ARHGAP8: variants seen among roughly 807,000 people sequenced by gnomAD.
ARHGAP8 encodes the protein Rho GTPase activating protein 8, also known as rho GTPase-activating protein 8.
ARHGAP8 carries 62 observed loss-of-function variants against 46.1 expected under a neutral mutation model. The observed-to-expected ratio is 1.34, with a 90% CI of 1.10 to 1.66. The LOEUF is 1.66. ARHGAP8 is among the 40% of genes most tolerant of loss of function. The pLI, the probability that ARHGAP8 is intolerant of heterozygous loss-of-function variation, is 0.00. For missense variants in ARHGAP8, 923 were observed against 568.4 expected (o/e 1.62, Z -6.34); for synonymous variants, 375 against 243.1 (o/e 1.54, Z -5.05).
In ARHGAP8 at chr22:44,809,096, C is replaced by T. The variant is rs559051849; in HGVS notation, c.299+658C>T. 8.5e-4 allele frequency: 401 copies of T among 470,348 alleles called. 1 individual carries two copies. Among genetic ancestry groups the T allele is most frequent in the Middle Eastern group, 1.8e-3 (5 of 2,812 alleles). The allele number at this position is 470,348 out of a possible 1,614,324, so 29.1% of individuals were successfully genotyped here. ...TCAGCCTCCCAAAGTACTGGGATTA[C>T]AGGCAGGAGCCACCATGCCAAGCCA... On this transcript the variant is annotated intron_variant, in intron 4 of 11. Coordinates refer to ENST00000356099, the MANE Select transcript of ARHGAP8 (RefSeq NM_181335.3).
At chr22:44,813,724 T>C (rs1230796242) in intron 4 of ARHGAP8, among the ~76,000 whole-genome samples, 1 of 135,394 alleles carries the variant, frequency 7.4e-6, no homozygotes, top group African/African-American at 2.7e-5. Context: ...CACACTTTCA[T>C]ACACTTACAC....
chr22:44,858,782 G>C (rs2070324522), intron 10 of ARHGAP8, among the ~76,000 whole-genome samples: 2 of 150,074 alleles, frequency 1.3e-5, no homozygotes, highest in South Asian at 4.2e-4. Flanking sequence ...CTGGAGGGTG[G>C]GACACTGCCT....
intron 1 of ARHGAP8, among the ~76,000 whole-genome samples, chr22:44,770,244 AAAAAACAAAC>A (rs372059617): frequency 3.0e-4 from 45 of 152,082 alleles, no homozygotes; most frequent in African/African-American, 9.9e-4. Context: ...ACTCCATCTC[AAAAAACAAAC>A]AAAAACAAAC....
In ARHGAP8 at chr22:44,814,756, CA is replaced by C. The variant is rs1929612981; in HGVS notation, c.385del (p.Ser129ValfsTer14). The stretch of plus-strand genomic sequence containing the variant: ...TGTGGAACATCTTGAAGCCCCTCAT[CA>C]GGTATGCGTCACTCTGGGAGAGGAC... ...VLWNILKPLI[S>X]HKFGKKVIYF... On this transcript the variant is annotated frameshift_variant and splice_region_variant, in exon 5 of 12. Transcript: ENST00000356099. LOFTEE classifies it high-confidence loss of function. 3 of 1,613,982 alleles carry C rather than the reference CA, an allele frequency of 1.9e-6. No individual in the cohort carries two copies. In the East Asian group the frequency reaches 6.7e-5, roughly 36 times the overall value.
intron 7 of ARHGAP8, among the ~76,000 whole-genome samples, chr22:44,832,891 T>C (rs1407507810): frequency 2.0e-5 from 3 of 151,930 alleles, no homozygotes; most frequent in African/African-American, 7.3e-5. Flanking sequence ...ATTTGGGAGA[T>C]TGAGGTGGGA....
At position 44,860,811 on chromosome 22, in the gene ARHGAP8, G is replaced by A. The variant is rs779234817; in HGVS notation, c.981+977G>A. On this transcript the variant is annotated intron_variant, in intron 11 of 11. Coordinates refer to ENST00000356099, the MANE Select transcript of ARHGAP8 (RefSeq NM_181335.3). Reference sequence around the variant, plus strand: ...GTCCACCCCCAACCCCCAGACCCACGGCCTTGAATGTTTAACCCCCTCCAT... The same window carrying A: ...GTCCACCCCCAACCCCCAGACCCACAGCCTTGAATGTTTAACCCCCTCCAT... 6.6e-5 allele frequency among the ~76,000 whole-genome samples: 10 copies of A among 152,222 alleles called. No homozygotes were observed. The South Asian group carries it at 1.0e-3, about 16-fold the overall frequency.
At chr22:44,755,836 A>C (rs11090693) in intron 1 of ARHGAP8, among the ~76,000 whole-genome samples, 33,473 of 152,002 alleles carry the variant, frequency 0.22, 4,081 homozygotes, top group South Asian at 0.45. Flanking sequence ...AATGGTTAAC[A>C]ACCGGGATGG....
At position 44,850,215 on chromosome 22, in the gene ARHGAP8, G is replaced by A. The variant is rs144353861; in HGVS notation, c.877+1155G>A. On this transcript the variant is annotated intron_variant, in intron 10 of 11. Coordinates refer to ENST00000356099, the MANE Select transcript of ARHGAP8 (RefSeq NM_181335.3). Reference sequence around the variant, plus strand: ...CTCCTAAGCGCCTGCCAAATGCAACGCCCTTTCTGAGATGGGGAAGGTCTC... The same window carrying A: ...CTCCTAAGCGCCTGCCAAATGCAACACCCTTTCTGAGATGGGGAAGGTCTC... The A allele has an allele frequency of 1.6e-4, 25 of 152,254 alleles. 1 individual carries two copies. Among genetic ancestry groups the A allele is most frequent in the African/African-American group, 5.8e-4 (24 of 41,536 alleles). 9.4% of individuals were successfully genotyped at this position (152,254 alleles called of 1,614,324 possible). A position where few individuals can be genotyped will look rare whatever the true frequency, so the allele number is the denominator to read the frequency against.
chr22:44,782,522 A>G (rs946464243), intron 1 of ARHGAP8, among the ~76,000 whole-genome samples: 3 of 150,898 alleles, frequency 2.0e-5, no homozygotes, highest in African/African-American at 7.3e-5. Flanking sequence ...CATTCCTGGC[A>G]TCCACCCATC....
intron 5 of ARHGAP8, among the ~76,000 whole-genome samples, chr22:44,815,347 T>TGACCTCA (rs955122221): frequency 6.6e-6 from 1 of 152,174 alleles, no homozygotes; most frequent in Non-Finnish European, 1.5e-5. Context: ...TCCACCCGGC[T>TGACCTCA]GACCTCAGCC....
chr22:44,852,651 T>C (rs1010531229), intron 10 of ARHGAP8, among the ~76,000 whole-genome samples: 3 of 151,962 alleles, frequency 2.0e-5, no homozygotes, highest in Admixed American at 2.0e-4. Flanking sequence ...AGGGAAAGAG[T>C]TGTGTCTCAA....
At chr22:44,829,242 G>GCTCAC (rs1930763735) in intron 7 of ARHGAP8, among the ~76,000 whole-genome samples, 1 of 149,722 alleles carries the variant, frequency 6.7e-6, no homozygotes, top group African/African-American at 2.5e-5. Flanking sequence ...AGTGAGCCGA[G>GCTCAC]ATTTTGCCAC....
chr22:44,819,137 C>T (rs1023755496), intron 5 of ARHGAP8, among the ~76,000 whole-genome samples: 30 of 151,948 alleles, frequency 2.0e-4, no homozygotes, highest in East Asian at 1.2e-3. Context: ...GGTGCCATCA[C>T]GGCTCACTGT....
chr22:44,832,757 C>A (rs1355839583), intron 7 of ARHGAP8, among the ~76,000 whole-genome samples: 1 of 152,054 alleles, frequency 6.6e-6, no homozygotes, highest in Admixed American at 6.6e-5. Flanking sequence ...CCTGATTATG[C>A]CTGACTGTAA....
chr22:44,787,472 G>A (rs1927343436), intron 2 of ARHGAP8, among the ~76,000 whole-genome samples: 1 of 152,082 alleles, frequency 6.6e-6, no homozygotes, highest in Admixed American at 6.6e-5. Context: ...AGCCTCCCAA[G>A]TAGCTGGGAT....
chr22:44,777,653 A>G (rs1417143201), intron 1 of ARHGAP8, among the ~76,000 whole-genome samples: 1 of 151,002 alleles, frequency 6.6e-6, no homozygotes, highest in East Asian at 2.0e-4. Context: ...CTTAACTTGT[A>G]TTTGAGCCCA....
At chr22:44,833,035 G>A (rs1473948199) in intron 7 of ARHGAP8, among the ~76,000 whole-genome samples, 2 of 150,714 alleles carry the variant, frequency 1.3e-5, no homozygotes, top group Non-Finnish European at 3.0e-5. Flanking sequence ...TGTTAGCTGT[G>A]TGCATTTCAT....
At chr22:44,859,075 C>T (rs553492503) in intron 10 of ARHGAP8, among the ~76,000 whole-genome samples, 8 of 150,902 alleles carry the variant, frequency 5.3e-5, no homozygotes, top group South Asian at 2.1e-4. Flanking sequence ...TTTGCCAACC[C>T]CTGGTCTAGA....
rs560992439 is a variant in ARHGAP8, at chr22:44,815,941, CAG to C, written c.386+1186_386+1187del. Among the ~76,000 whole-genome samples the C allele has an allele frequency of 1.7e-4, 26 of 152,192 alleles. 1 individual carries two copies. In the South Asian group the frequency reaches 4.4e-3, roughly 26 times the overall value. On this transcript the variant is annotated intron_variant, in intron 5 of 11. Coordinates refer to ENST00000356099, the MANE Select transcript of ARHGAP8 (RefSeq NM_181335.3). ...GAGTTCTGCAGGCGAGGGAGGGGCT[CAG>C]AGCAGGAGGGCGCAGGTGTGCACCA...
Sources: gnomAD v4.1 joint callset for allele counts (sites outside exome capture counted in the v4.1 genomes callset) on GRCh38, gnomAD v4.1.1 for gene constraint, MANE v1.5 for transcripts, NCBI Gene and HGNC (gene_info 2026-07-23, HGNC 2026-07-21) for gene names.